The following GLIS3 variants were observed in gnomAD, a reference collection of about 807,000 sequenced individuals.
The protein encoded by GLIS3 is GLIS family zinc finger 3.
In GLIS3, 53 loss-of-function variants were observed where a neutral mutation model predicts 78.6. The ratio of observed to expected loss-of-function variants is 0.67; its 90% CI spans 0.54 to 0.85. The LOEUF is 0.85. GLIS3 is among the 40% of genes least tolerant of loss of function. GLIS3 has a pLI of 0.00. For synonymous variants in GLIS3, 684 were observed against 509.9 expected, an observed-to-expected ratio of 1.34 and a Z score of -4.60; for missense variants, 1,703 against 1,231.1, an observed-to-expected ratio of 1.38 and a Z score of -5.74.
At chr9:4,367,672 G>A in the GLIS3 span, among the ~76,000 whole-genome samples, 1 of 145,706 alleles carries the variant, frequency 6.9e-6, no homozygotes, top group Admixed American at 6.9e-5. Context: ...CTCTATGTGA[G>A]CAGATACTCT....
At chr9:3,905,360 C>T (rs1374236293) in intron 6 of GLIS3, among the ~76,000 whole-genome samples, 2 of 151,950 alleles carry the variant, frequency 1.3e-5, no homozygotes, top group Non-Finnish European at 2.9e-5. Flanking sequence ...ACCTGGGTAG[C>T]CAAGTTCTCT....
intron 2 of GLIS3, among the ~76,000 whole-genome samples, chr9:4,273,126 G>C (rs1826669425): frequency 6.6e-6 from 1 of 152,116 alleles, no homozygotes; most frequent in African/African-American, 2.4e-5. Flanking sequence ...GGAGAGTTAT[G>C]ACTAAGCTGT....
chr9:3,965,627 G>T (rs1418256127), intron 4 of GLIS3, among the ~76,000 whole-genome samples: 2 of 152,162 alleles, frequency 1.3e-5, no homozygotes, highest in East Asian at 1.9e-4. Context: ...ACCTCCTGAC[G>T]AAACATGTGC....
At chr9:3,862,898 C>T (rs543534786) in intron 8 of GLIS3, among the ~76,000 whole-genome samples, 9 of 120,468 alleles carry the variant, frequency 7.5e-5, no homozygotes, top group Non-Finnish European at 1.2e-4. Context: ...AACTAGTCTA[C>T]GATGGATTTG....
chr9:4,042,010 G>A (rs1048437110), intron 4 of GLIS3, among the ~76,000 whole-genome samples: 1 of 152,178 alleles, frequency 6.6e-6, no homozygotes, highest in African/African-American at 2.4e-5. Context: ...GCAGTGAGCT[G>A]AAACTGTGCT....
At chr9:4,437,420 G>C in the GLIS3 span, among the ~76,000 whole-genome samples, 36 of 126,924 alleles carry the variant, frequency 2.8e-4, no homozygotes, top group African/African-American at 5.2e-4. Context: ...ATGTATGTAT[G>C]TATCTATCTA....
intron 1 of GLIS3, among the ~76,000 whole-genome samples, chr9:4,287,307 A>G (rs1828085335): frequency 6.6e-6 from 1 of 152,220 alleles, no homozygotes; most frequent in Non-Finnish European, 1.5e-5. Context: ...GATACATGAC[A>G]TTCAGTAAAT....
Position 3,937,012 on chromosome 9 carries a change from C to T in GLIS3, c.1872+16G>A, listed in dbSNP as rs747507232. The T allele has an allele frequency of 1.9e-6, 3 of 1,612,242 alleles. No individual in the cohort carries two copies. The highest frequency in any genetic ancestry group is 1.1e-5 in the South Asian group (1 of 91,006). On this transcript the variant is annotated intron_variant, in intron 5 of 10. Transcript: ENST00000381971. ...AGGCGCTGGGTTGGAAACTGGAAAG[C>T]TCCTGCCATTCTTACGGTGTCCAGA...
chr9:4,040,736 T>G (rs1824738152), intron 4 of GLIS3, among the ~76,000 whole-genome samples: 1 of 152,074 alleles, frequency 6.6e-6, no homozygotes, highest in Non-Finnish European at 1.5e-5. Flanking sequence ...TATAAAAAGA[T>G]GAAAAGAGGT....
At position 4,117,915 on chromosome 9, in the gene GLIS3, G is replaced by T. The variant is rs757028972; in HGVS notation, c.1563C>A (p.Ile521=). The T allele has an allele frequency of 6.2e-7, 1 of 1,614,152 alleles. No homozygotes were observed. The part of the protein sequence containing the change: ...YDQQEELVRH[I]EKVHIDQRKG... ...TGCGCTGGTCGATGTGGACCTTCTCGATGTGCCGCACGAGCTCCTCCTGCT... is the reference window on the plus strand; with the variant it reads ...TGCGCTGGTCGATGTGGACCTTCTCTATGTGCCGCACGAGCTCCTCCTGCT... Residue 521 remains isoleucine, a synonymous_variant, in exon 4 of 11, where the codon ATC becomes ATA. Transcript: ENST00000381971.
chr9:4,401,850 C>A, the GLIS3 span, among the ~76,000 whole-genome samples: 7 of 152,240 alleles, frequency 4.6e-5, no homozygotes, highest in Admixed American at 1.3e-4. Flanking sequence ...GGTGGCCTGG[C>A]AGAACCCCTG....
At chr9:4,379,270 C>G in the GLIS3 span, among the ~76,000 whole-genome samples, 55 of 152,214 alleles carry the variant, frequency 3.6e-4, 2 homozygotes, top group Non-Finnish European at 2.1e-4. Context: ...GGCTATGGGT[C>G]TCTTCTTCAG....
intron 4 of GLIS3, among the ~76,000 whole-genome samples, chr9:4,033,351 G>A (rs79070648): frequency 0.043 from 6,580 of 152,126 alleles, 392 homozygotes; most frequent in African/African-American, 0.13. Flanking sequence ...CAGGAAGATG[G>A]AACTAAAGAA....
intron 2 of GLIS3, among the ~76,000 whole-genome samples, chr9:4,170,193 T>C (rs769160285): frequency 4.6e-5 from 7 of 152,236 alleles, no homozygotes; most frequent in Non-Finnish European, 8.8e-5. Flanking sequence ...GAAACTTTTC[T>C]TGAAAATACG....
the GLIS3 span, among the ~76,000 whole-genome samples, chr9:4,388,108 T>C: frequency 1.9e-3 from 282 of 152,308 alleles, 1 homozygote; most frequent in African/African-American, 6.6e-3. Context: ...GCCTTTGTCT[T>C]TTATCTATCA....
At chr9:4,397,710 CAGGG>C in the GLIS3 span, among the ~76,000 whole-genome samples, 64 of 4,842 alleles carry the variant, frequency 0.013, no homozygotes, top group Middle Eastern at 0.12. Context: ...GGGAGGAAGG[CAGGG>C]AGGGAGGGAG....
At chr9:4,466,465 A>C in the GLIS3 span, among the ~76,000 whole-genome samples, 1 of 152,248 alleles carries the variant, frequency 6.6e-6, no homozygotes, top group Non-Finnish European at 1.5e-5. Flanking sequence ...CCTTAATCCA[A>C]AACGAGACAA....
At chr9:4,202,135 T>C (rs1250766781) in intron 2 of GLIS3, among the ~76,000 whole-genome samples, 4 of 135,162 alleles carry the variant, frequency 3.0e-5, no homozygotes, top group East Asian at 5.0e-4. Flanking sequence ...AAGACTCTTT[T>C]TTTTCTCCCC....
Position 4,144,300 on chromosome 9 carries a change from G to C in GLIS3, c.389-18359C>G, listed in dbSNP as rs530214070. 6.6e-5 allele frequency among the ~76,000 whole-genome samples: 10 copies of C among 152,210 alleles called. No homozygotes were observed. The East Asian group carries it at 1.5e-3, about 23-fold the overall frequency. On this transcript the variant is annotated intron_variant, in intron 2 of 10. Coordinates refer to ENST00000381971, the MANE Select transcript of GLIS3 (RefSeq NM_001042413.2). ...GTTTTTTGACACGTAGCCTTGAAAA[G>C]AACAATTTTACCTCAGAAACTTGGC...
Sources: allele counts gnomAD v4.1 joint callset (sites outside exome capture counted in the v4.1 genomes callset), GRCh38; gene constraint gnomAD v4.1.1; transcripts MANE v1.5; gene names NCBI Gene and HGNC (gene_info 2026-07-23, HGNC 2026-07-21).